The following NLRC5 variants were observed in gnomAD, a reference collection of about 807,000 sequenced individuals.
NLRC5 encodes the protein protein NLRC5.
A neutral mutation model predicts 206.9 loss-of-function variants in NLRC5; 114 were observed. That is an observed-to-expected ratio of 0.55 (90% CI 0.47 to 0.64). The LOEUF (loss-of-function observed/expected upper bound fraction) is 0.64, where lower values mean the gene tolerates loss of function less well. NLRC5 is among the 30% of genes least tolerant of loss of function. The pLI is 0.00. For synonymous variants in NLRC5, 952 were observed against 962.8 expected, an observed-to-expected ratio of 0.99 and a Z score of 0.21; for missense variants, 2,008 against 2,305.5, an observed-to-expected ratio of 0.87 and a Z score of 2.64.
rs77117879 is a variant in NLRC5 at position 57,079,055 on chromosome 16, C to A, written c.5087C>A (p.Pro1696Gln). 2,886 of 1,613,998 alleles carry A rather than the reference C, an allele frequency of 1.8e-3. 2 individuals carry two copies. Among genetic ancestry groups the A allele is most frequent in the Admixed American group, 2.6e-3 (156 of 60,014 alleles). The change falls in exon 44 of 49, where the codon CCA (proline) becomes CAA (glutamine). Residue 1696 changes from proline to glutamine, a missense_variant. By Grantham distance (76) the Pro-to-Gln change is moderately conservative (BLOSUM62 -1). Coordinates refer to ENST00000688547, the MANE Select transcript of NLRC5 (RefSeq NM_001384950.1). ...LPQHLRVLHL[P>Q]FSHLGPGGAL... ...ACCCTCTCCTCTTTCCCCAGCCTAC[C>A]ATTCAGCCATCTGGGCCCAGGTGGG...
intron 1 of NLRC5, among the ~76,000 whole-genome samples, chr16:57,000,730 C>T (rs530273267): frequency 6.6e-6 from 1 of 152,276 alleles, no homozygotes; most frequent in African/African-American, 2.4e-5. Flanking sequence ...ACCCCTGCAT[C>T]ATCACTGACT....
chr16:57,065,083 A>C, intron 32 of NLRC5, 129 bp from the exon 33 acceptor site: 1 of 441,620 alleles, frequency 2.3e-6, no homozygotes. Context: ...TATAGTTTTA[A>C]AATGAGCAAA....
chr16:57,061,597 GTGAC>G lies in NLRC5; in HGVS notation c.4071-16_4071-13del. ...GGGGCACCCTGCCAGAGCCACCTCA[GTGAC>G]TGACCTCTGTCTCCAGGCTGACCCA... On this transcript the variant is annotated splice_polypyrimidine_tract_variant and intron_variant, in intron 31 of 48. Transcript: ENST00000688547. The G allele has an allele frequency of 6.2e-7, 1 of 1,609,778 alleles. No homozygotes were observed. The highest frequency in any genetic ancestry group is 8.5e-7 in the Non-Finnish European group (1 of 1,179,426).
At chr16:56,999,113 G>A (rs1227825697) in intron 1 of NLRC5, among the ~76,000 whole-genome samples, 1 of 152,244 alleles carries the variant, frequency 6.6e-6, no homozygotes, top group African/African-American at 2.4e-5. Flanking sequence ...AAGCAGGCTA[G>A]AGCATTCTCT....
intron 1 of NLRC5, among the ~76,000 whole-genome samples, chr16:57,015,174 C>CT (rs1243218714): frequency 2.0e-5 from 3 of 152,264 alleles, no homozygotes; most frequent in Non-Finnish European, 4.4e-5. Flanking sequence ...AGTGATCTAC[C>CT]TACCTTGGCC....
intron 1 of NLRC5, among the ~76,000 whole-genome samples, chr16:57,003,319 G>A (rs1293823744): frequency 6.6e-6 from 1 of 152,092 alleles, no homozygotes; most frequent in Non-Finnish European, 1.5e-5. Context: ...CAAAGTGCTG[G>A]GATTACAGGC....
At position 57,043,799 on chromosome 16, in the gene NLRC5, C is replaced by T. The variant is rs866031214; in HGVS notation, c.3203+195C>T. 132 of 602,584 alleles carry T rather than the reference C, an allele frequency of 2.2e-4. No individual in the cohort carries two copies. In the African/African-American group the frequency reaches 2.2e-3, roughly 10 times the overall value. The allele number at this position is 602,584 out of a possible 1,614,324, so 37.3% of individuals were successfully genotyped here. On this transcript the variant is annotated intron_variant, in intron 20 of 48. Coordinates refer to ENST00000688547, the MANE Select transcript of NLRC5 (RefSeq NM_001384950.1). ...GATCAAATGAATGAATAAGTATGGC[C>T]TCACGGATGCTCAAATTTCTCCAAA...
intron 4 of NLRC5, 47 bp from the exon 5 acceptor site, chr16:57,023,738 C>T: frequency 6.5e-7 from 1 of 1,540,246 alleles, no homozygotes; most frequent in Non-Finnish European, 8.9e-7. Flanking sequence ...ACCCCTCAGC[C>T]CAGATCCCCA....
In NLRC5 at chr16:57,035,497, C is replaced by T. The variant is rs1463046961; in HGVS notation, c.2628-603C>T. Among the ~76,000 whole-genome samples, 3 of 152,306 alleles carry T rather than the reference C, an allele frequency of 2.0e-5. No homozygotes were observed. The East Asian group carries it at 5.8e-4, about 29-fold the overall frequency. The stretch of plus-strand genomic sequence containing the variant: ...TTCCACTCAATCTCCAATCCAGACA[C>T]ACTGGCTCTCTTTCAGGTCCTCATA... On this transcript the variant is annotated intron_variant, in intron 13 of 48. Coordinates refer to ENST00000688547, the MANE Select transcript of NLRC5 (RefSeq NM_001384950.1).
At chr16:57,003,019 G>C (rs1207130314) in intron 1 of NLRC5, among the ~76,000 whole-genome samples, 1 of 151,556 alleles carries the variant, frequency 6.6e-6, no homozygotes. Flanking sequence ...CAGTGTATGA[G>C]GTCTCCCTTT....
At chr16:57,029,393 G>C (rs879599729) in intron 8 of NLRC5, among the ~76,000 whole-genome samples, 1 of 152,138 alleles carries the variant, frequency 6.6e-6, no homozygotes, top group African/African-American at 2.4e-5. Flanking sequence ...GGCTGGAAGC[G>C]ATGTCTGCAG....
Position 57,040,675 on chromosome 16 carries a change from C to G in NLRC5, c.2896C>G (p.Leu966Val). 6.2e-7 allele frequency: 1 copy of G among 1,614,154 alleles called. No homozygotes were observed. Among genetic ancestry groups the G allele is most frequent in the East Asian group, 2.2e-5 (1 of 44,882 alleles). Residue 966 changes from leucine (L) to valine (V), a missense_variant, in exon 17 of 49, where the codon CTC becomes GTC. Physicochemically the swap from Leu to Val is conservative, Grantham distance 32. Coordinates refer to ENST00000688547, the MANE Select transcript of NLRC5 (RefSeq NM_001384950.1). The part of the protein sequence containing the change: ...ERAAFLDSLM[L>V]QMPSELPLSS... Reference sequence around the variant, plus strand: ...GGCTGCATTTCTTGACAGCCTCATGCTCCAGATGCCCTCTGAGCTGCCTCT... The same window carrying G: ...GGCTGCATTTCTTGACAGCCTCATGGTCCAGATGCCCTCTGAGCTGCCTCT...
At chr16:57,013,411 G>T (rs1011871762) in intron 1 of NLRC5, 4 of 637,604 alleles carry the variant, frequency 6.3e-6, no homozygotes, top group Middle Eastern at 3.4e-4. Context: ...TTATTTTGAA[G>T]ATTTTTTCTG....
chr16:57,059,167 G>A, intron 29 of NLRC5, 106 bp downstream of exon 29: 3 of 1,598,418 alleles, frequency 1.9e-6, no homozygotes, highest in Non-Finnish European at 2.6e-6. Flanking sequence ...CTTCCATCTG[G>A]GTGGCTTGGA....
At chr16:57,063,370 C>T (rs118127779) in intron 32 of NLRC5, among the ~76,000 whole-genome samples, 11,823 of 152,008 alleles carry the variant, frequency 0.078, 591 homozygotes, top group East Asian at 0.13. Flanking sequence ...CCCGTTTCGG[C>T]CTTCCAAAGT....
At position 57,079,244 on chromosome 16, in the gene NLRC5, G is replaced by A; in HGVS notation, c.5189G>A (p.Gly1730Glu). 1 of 1,613,778 alleles carries A rather than the reference G, an allele frequency of 6.2e-7. No homozygotes were observed. The highest frequency in any genetic ancestry group is 8.5e-7 in the Non-Finnish European group (1 of 1,180,028). Residue 1730 changes from glycine (G) to glutamate (E), a missense_variant, in exon 45 of 49, where the codon GGA becomes GAA. By Grantham distance (98) the Gly-to-Glu change is moderately conservative. Transcript: ENST00000688547. ...EISLAENNLAGGVLRFCMELP... is the reference protein window; with the variant it reads ...EISLAENNLAEGVLRFCMELP... ...AGCTTGGCGGAAAACAACCTGGCTG[G>A]AGGGGTCCTGCGTTTCTGTATGGAG...
rs752066689 is a variant in NLRC5 at position 57,025,685 on chromosome 16, G to T, written c.742G>T (p.Gly248Cys). 1 of 1,614,206 alleles carries T rather than the reference G, an allele frequency of 6.2e-7. No individual in the cohort carries two copies. The highest frequency in any genetic ancestry group is 1.1e-5 in the South Asian group (1 of 91,086). Residue 248 changes from glycine (G) to cysteine (C), a missense_variant, in exon 6 of 49, where the codon GGC becomes TGC. Gly to Cys is a radical substitution (Grantham distance 159). Coordinates refer to ENST00000688547, the MANE Select transcript of NLRC5 (RefSeq NM_001384950.1). ...CCGGCTCTGCCAGAAGTGGGCAGAGGGCCATCTGAACTGTTTCCAGGCCCT... is the reference window on the plus strand; with the variant it reads ...CCGGCTCTGCCAGAAGTGGGCAGAGTGCCATCTGAACTGTTTCCAGGCCCT... ...AHRLCQKWAE[G>C]HLNCFQALFL...
chr16:57,025,238 C>A (rs112862803), intron 5 of NLRC5, 130 bp from the exon 6 acceptor site: 2 of 1,441,018 alleles, frequency 1.4e-6, no homozygotes, highest in Non-Finnish European at 1.8e-6. Context: ...GCTCTTGACA[C>A]CCCCACCCTC....
chr16:57,009,055 G>A (rs1332883750), intron 1 of NLRC5, among the ~76,000 whole-genome samples: 1 of 152,194 alleles, frequency 6.6e-6, no homozygotes, highest in Non-Finnish European at 1.5e-5. Flanking sequence ...CACTTTGGGA[G>A]GCCGAGGTGG....
Sources: allele counts gnomAD v4.1 joint callset (sites outside exome capture counted in the v4.1 genomes callset), GRCh38; gene constraint gnomAD v4.1.1; transcripts MANE v1.5; gene names NCBI Gene and HGNC (gene_info 2026-07-23, HGNC 2026-07-21).